Variants in BRD4 observed in about 807,000 individuals in gnomAD.
BRD4 encodes bromodomain containing 4, also known as bromodomain-containing protein 4.
In BRD4, 16 loss-of-function variants were observed where a neutral mutation model predicts 142.1. That is an observed-to-expected ratio of 0.11 (90% CI 0.08 to 0.17). The LOEUF (loss-of-function observed/expected upper bound fraction) is 0.17. Among genes scored for constraint, BRD4 ranks in the 10% least tolerant of loss-of-function variants. BRD4 has a pLI of 1.00. For missense variants in BRD4, 1,424 were observed against 1,810.9 expected (o/e 0.79, Z 3.88); for synonymous variants, 833 against 707.5 (o/e 1.18, Z -2.82).
chr19:15,328,867 G>A lies in BRD4; in HGVS notation c.-35+3423C>T, dbSNP rs568087626. Among the ~76,000 whole-genome samples the A allele has an allele frequency of 1.1e-4, 17 of 152,242 alleles. No individual in the cohort carries two copies. In the South Asian group the frequency reaches 2.7e-3, roughly 24 times the overall value. The stretch of plus-strand genomic sequence containing the variant: ...TGGCTCACCGCAACCTCCGCCTCCC[G>A]GGTTCAAGCGATTCTCCTGCCTCAG... On this transcript the variant is annotated intron_variant, in intron 1 of 19. Coordinates refer to ENST00000679869, the MANE Select transcript of BRD4 (RefSeq NM_001379291.1).
intron 4 of BRD4, 34 bp from the exon 5 acceptor site, chr19:15,265,677 C>T (rs2047527027): frequency 1.2e-6 from 2 of 1,611,674 alleles, no homozygotes; most frequent in Admixed American, 3.3e-5. Flanking sequence ...AGTTAGAGAC[C>T]ATGCTGACAT....
At chr19:15,264,290 G>T (rs187214018) in intron 6 of BRD4, 114 bp downstream of exon 6, 5 of 1,412,492 alleles carry the variant, frequency 3.5e-6, no homozygotes, top group Non-Finnish European at 4.7e-6. Context: ...AAAAATCCAC[G>T]CAGCCACCGT....
At chr19:15,283,326 A>T (rs1263493345) in intron 1 of BRD4, among the ~76,000 whole-genome samples, 1 of 152,242 alleles carries the variant, frequency 6.6e-6, no homozygotes, top group Non-Finnish European at 1.5e-5. Context: ...CCCTGGTGTC[A>T]ATCAGAAAAT....
intron 11 of BRD4, 140 bp downstream of exon 11, chr19:15,254,010 CAA>C: frequency 1.3e-6 from 1 of 758,450 alleles, no homozygotes; most frequent in East Asian, 2.7e-5. Context: ...AGACAGTTAA[CAA>C]AGAGACAGAC....
intron 1 of BRD4, among the ~76,000 whole-genome samples, chr19:15,290,539 A>ACCT (rs2047774094): frequency 6.6e-6 from 1 of 152,166 alleles, no homozygotes; most frequent in African/African-American, 2.4e-5. Context: ...AAATGGGTGC[A>ACCT]AGTATACACC....
intron 4 of BRD4, among the ~76,000 whole-genome samples, chr19:15,267,087 A>G (rs1459914120): frequency 1.3e-5 from 2 of 152,234 alleles, no homozygotes; most frequent in African/African-American, 2.4e-5. Context: ...CTTAAAATGG[A>G]AAAGTAAAAA....
intron 1 of BRD4, among the ~76,000 whole-genome samples, chr19:15,322,867 C>CAAAAA (rs71333367): frequency 3.1e-5 from 2 of 65,486 alleles, no homozygotes; most frequent in African/African-American, 1.2e-4. Flanking sequence ...ACTCTGTCTC[C>CAAAAA]AAAAAAAAAA....
chr19:15,284,592 C>T (rs944516034), intron 1 of BRD4, among the ~76,000 whole-genome samples: 4 of 152,194 alleles, frequency 2.6e-5, no homozygotes, highest in Non-Finnish European at 5.9e-5. Context: ...CACTTTCAAG[C>T]TTCTCTTCCC....
rs1426584839 is a variant in BRD4, at chr19:15,243,356, T to C, written c.2713A>G (p.Met905Val). The C allele has an allele frequency of 4.4e-6, 4 of 917,426 alleles. No homozygotes were observed. The highest frequency in any genetic ancestry group is 5.1e-6 in the Non-Finnish European group (4 of 783,096). The allele number at this position is 917,426 out of a possible 1,614,324, so 56.8% of individuals were successfully genotyped here. A position where few individuals can be genotyped will look rare whatever the true frequency, so the allele number is the denominator to read the frequency against. Residue 905 changes from methionine (M) to valine (V), a missense_variant, in exon 14 of 20, where the codon ATG becomes GTG. Met to Val is a conservative substitution (Grantham distance 21). Transcript: ENST00000679869. Reference sequence around the variant, plus strand: ...AGCAGCACTTGGGGGGGTTGGGCCATGGGGGGCTGTGGGAGCAGGGGTGTT... The same window carrying C: ...AGCAGCACTTGGGGGGGTTGGGCCACGGGGGGCTGTGGGAGCAGGGGTGTT... ...TQTPLLPQPPMAQPPQVLLED... is the reference protein window; with the variant it reads ...TQTPLLPQPPVAQPPQVLLED...
At chr19:15,299,349 A>G (rs34636049) in intron 1 of BRD4, among the ~76,000 whole-genome samples, 21,322 of 152,192 alleles carry the variant, frequency 0.14, 1,714 homozygotes, top group Middle Eastern at 0.2. Context: ...TTCTCATGAT[A>G]TATGTGCTCA....
At chr19:15,278,121 A>G (rs1337794554) in intron 1 of BRD4, among the ~76,000 whole-genome samples, 1 of 135,762 alleles carries the variant, frequency 7.4e-6, no homozygotes, top group Non-Finnish European at 1.6e-5. Flanking sequence ...AAAAAAAAAA[A>G]AAAAAAAAAA....
At chr19:15,249,696 AC>A (rs932645265) in intron 11 of BRD4, among the ~76,000 whole-genome samples, 2 of 152,030 alleles carry the variant, frequency 1.3e-5, no homozygotes, top group Non-Finnish European at 2.9e-5. Context: ...TGGCAAGCCC[AC>A]CAGGCCCCTG....
intron 14 of BRD4, 102 bp from the exon 15 acceptor site, chr19:15,240,124 T>C: frequency 2.7e-6 from 4 of 1,460,572 alleles, no homozygotes; most frequent in Non-Finnish European, 3.6e-6. Flanking sequence ...AGAAACTGCA[T>C]GTGCCGCCCA....
chr19:15,262,524 T>TAAAAA (rs559468375), intron 7 of BRD4, among the ~76,000 whole-genome samples: 6 of 97,798 alleles, frequency 6.1e-5, no homozygotes, highest in African/African-American at 1.1e-4. Context: ...CCCATCTCTT[T>TAAAAA]AAAAAAAAAA....
rs778524619 is a variant in BRD4, at chr19:15,332,501, A to AGCC, written c.-249_-247dup. ...TGCGGGAGACCAGAACAAACAGCCC[A>AGCC]GCCGCCGCCGCCGCCGCCGCCGCCG... is the stretch of plus-strand genomic sequence containing the variant. On this transcript the variant is annotated 5_prime_UTR_variant, in exon 1 of 20. Coordinates refer to ENST00000679869, the MANE Select transcript of BRD4 (RefSeq NM_001379291.1). 0.43 allele frequency: 66,835 copies of AGCC among 156,474 alleles called. 14,470 individuals carry two copies. The highest frequency in any genetic ancestry group is 0.59 in the East Asian group (3,032 of 5,096). 9.7% of individuals were successfully genotyped at this position (156,474 alleles called of 1,614,324 possible).
At chr19:15,326,938 T>C (rs2048113263) in intron 1 of BRD4, among the ~76,000 whole-genome samples, 1 of 152,158 alleles carries the variant, frequency 6.6e-6, no homozygotes, top group Non-Finnish European at 1.5e-5. Context: ...TTGGGGTGCA[T>C]CTCCGAGACT....
intron 1 of BRD4, among the ~76,000 whole-genome samples, chr19:15,297,268 C>T (rs1263280605): frequency 6.6e-6 from 1 of 152,206 alleles, no homozygotes; most frequent in Non-Finnish European, 1.5e-5. Context: ...CAGTTGTGCC[C>T]TCCCGTTGAC....
intron 1 of BRD4, among the ~76,000 whole-genome samples, chr19:15,291,816 C>A (rs1163905031): frequency 6.6e-6 from 1 of 152,176 alleles, no homozygotes; most frequent in Non-Finnish European, 1.5e-5. Context: ...GCTCATTAAG[C>A]AATCCCATAC....
At position 15,309,566 on chromosome 19, in the gene BRD4, A is replaced by G. The variant is rs557229634; in HGVS notation, c.-35+22724T>C. 1.8e-4 allele frequency among the ~76,000 whole-genome samples: 27 copies of G among 152,288 alleles called. No homozygotes were observed. In the South Asian group the frequency reaches 5.4e-3, roughly 30 times the overall value. ...TGTCCCAGAAATTCCTCCCCTACGC[A>G]TATGCCAAGAGAAAGGGAAACATTT... On this transcript the variant is annotated intron_variant, in intron 1 of 19. Transcript: ENST00000679869.
Sources: allele counts gnomAD v4.1 joint callset (sites outside exome capture counted in the v4.1 genomes callset), GRCh38; gene constraint gnomAD v4.1.1; transcripts MANE v1.5; gene names NCBI Gene and HGNC (gene_info 2026-07-23, HGNC 2026-07-21).